Variants in GPC3 observed in about 807,000 individuals in gnomAD.
GPC3 encodes the protein glypican 3.
Under a neutral mutation model 34.4 loss-of-function variants are expected in GPC3, and 3 were observed. The ratio of observed to expected loss-of-function variants is 0.09; its 90% CI spans 0.04 to 0.23. GPC3 has a LOEUF of 0.23. Among genes scored for constraint, GPC3 ranks in the 10% least tolerant of loss-of-function variants. The pLI, the probability that GPC3 is intolerant of heterozygous loss-of-function variation, is 1.00. For missense variants in GPC3, 351 were observed against 445.6 expected (o/e 0.79, Z 1.91); for synonymous variants, 177 against 174.0 (o/e 1.02, Z -0.13).
chrX:133,692,592 G>T, intron 4 of GPC3, 98 bp from the exon 5 acceptor site: 1 of 708,699 alleles, frequency 1.4e-6, no homozygotes, highest in Non-Finnish European at 2.2e-6. Context: ...GCTCTGCCAG[G>T]CTGATTAGAG....
chrX:133,794,829 G>C (rs1314492064), intron 2 of GPC3, among the ~76,000 whole-genome samples: 3 of 112,294 alleles, frequency 2.7e-5, no homozygotes, highest in African/African-American at 9.7e-5. Flanking sequence ...AGTAGCAAGG[G>C]GAAAAATAGA....
At chrX:133,719,155 C>T (rs961422154) in intron 3 of GPC3, among the ~76,000 whole-genome samples, 2 of 111,030 alleles carry the variant, frequency 1.8e-5, no homozygotes, top group African/African-American at 3.3e-5. Context: ...CTCTACTACA[C>T]GTGGAACGTT....
intron 3 of GPC3, among the ~76,000 whole-genome samples, chrX:133,708,789 T>C (rs764361108): frequency 1.8e-5 from 2 of 112,377 alleles, no homozygotes; most frequent in African/African-American, 6.5e-5. Flanking sequence ...ACAAAGTTAA[T>C]GACATTTTTA....
intron 2 of GPC3, among the ~76,000 whole-genome samples, chrX:133,840,329 CTTA>C (rs1390882326): frequency 9.0e-6 from 1 of 110,877 alleles, no homozygotes; most frequent in Non-Finnish European, 1.9e-5. Context: ...GTATACAGCA[CTTA>C]TTAAGGTGAT....
chrX:133,850,318 C>T (rs765224979), intron 2 of GPC3, among the ~76,000 whole-genome samples: 1 of 107,514 alleles, frequency 9.3e-6, no homozygotes, highest in South Asian at 4.2e-4. Flanking sequence ...TCATTAGCTT[C>T]TCTACAGTCA....
intron 2 of GPC3, among the ~76,000 whole-genome samples, chrX:133,847,271 A>G (rs1402167587): frequency 8.9e-6 from 1 of 112,023 alleles, no homozygotes; most frequent in Admixed American, 9.5e-5. Flanking sequence ...GGTACATTTT[A>G]CGCTCTCTTA....
chrX:133,761,768 G>A lies in GPC3; in HGVS notation c.338-7592C>T, dbSNP rs923965052. Among the ~76,000 whole-genome samples, 135 of 111,469 alleles carry A rather than the reference G, an allele frequency of 1.2e-3. 1 individual carries two copies. Among genetic ancestry groups the A allele is most frequent in the African/African-American group, 4.3e-3 (131 of 30,732 alleles). On this transcript the variant is annotated intron_variant, in intron 2 of 7. Transcript: ENST00000370818. Reference sequence around the variant, plus strand: ...CTCATTAGCCCAACTAGCTCTTCTCGTTTACCCACCATTAGCTTTCCTGAA... The same window carrying A: ...CTCATTAGCCCAACTAGCTCTTCTCATTTACCCACCATTAGCTTTCCTGAA...
chrX:133,535,980 C>T lies in GPC3; in HGVS notation c.*144G>A, dbSNP rs2069282751. The T allele has an allele frequency of 4.3e-6, 2 of 464,306 alleles. No individual in the cohort carries two copies. The highest frequency in any genetic ancestry group is 2.5e-5 in the African/African-American group (1 of 40,135). 38.3% of individuals were successfully genotyped at this position (464,306 alleles called of 1,213,427 possible). A position where few individuals can be genotyped will look rare whatever the true frequency, so the allele number is the denominator to read the frequency against. On this transcript the variant is annotated 3_prime_UTR_variant, in exon 8 of 8. Coordinates refer to ENST00000370818, the MANE Select transcript of GPC3 (RefSeq NM_004484.4). ...CCATTTGATTTTCGAAAACATAACA[C>T]ATGGTTAGTCCTCTACTTCATGGCT...
chrX:133,583,254 C>G (rs1329280744), intron 7 of GPC3, among the ~76,000 whole-genome samples: 1 of 111,392 alleles, frequency 9.0e-6, no homozygotes, highest in Non-Finnish European at 1.9e-5. Flanking sequence ...AAAATTTAGC[C>G]CCTCAGAGCT....
chrX:133,794,519 G>A (rs1295793559), intron 2 of GPC3, among the ~76,000 whole-genome samples: 1 of 111,903 alleles, frequency 8.9e-6, no homozygotes, highest in East Asian at 2.8e-4. Context: ...TTGGCTTTGG[G>A]TGGGGGGGCA....
intron 5 of GPC3, among the ~76,000 whole-genome samples, chrX:133,674,381 C>T (rs767190412): frequency 6.8e-4 from 75 of 111,099 alleles, no homozygotes; most frequent in Non-Finnish European, 1.1e-3. Flanking sequence ...AAGTATGGGT[C>T]AAGGCATGAG....
chrX:133,705,877 T>C (rs1173156775), intron 3 of GPC3, among the ~76,000 whole-genome samples: 1 of 112,498 alleles, frequency 8.9e-6, no homozygotes, highest in African/African-American at 3.2e-5. Flanking sequence ...TTAAATTCTT[T>C]GGTCTGCCAA....
At chrX:133,833,281 T>G (rs1289676897) in intron 2 of GPC3, among the ~76,000 whole-genome samples, 1 of 111,602 alleles carries the variant, frequency 9.0e-6, no homozygotes, top group East Asian at 2.8e-4. Context: ...TATAAGGGCA[T>G]GAACATATAT....
At chrX:133,794,591 C>G (rs2075567860) in intron 2 of GPC3, among the ~76,000 whole-genome samples, 1 of 111,626 alleles carries the variant, frequency 9.0e-6, no homozygotes, top group African/African-American at 3.3e-5. Context: ...CTCCTCTGGT[C>G]TCTACTCATT....
At chrX:133,627,717 T>C (rs2070320818) in intron 6 of GPC3, among the ~76,000 whole-genome samples, 1 of 112,495 alleles carries the variant, frequency 8.9e-6, no homozygotes, top group African/African-American at 3.2e-5. Flanking sequence ...GGACAGCATA[T>C]GCAATGTTTT....
intron 2 of GPC3, among the ~76,000 whole-genome samples, chrX:133,786,503 G>A (rs1281217168): frequency 2.7e-5 from 3 of 112,761 alleles, no homozygotes; most frequent in East Asian, 2.8e-4. Context: ...GAGAATCTCC[G>A]ACCTGCCCCA....
chrX:133,622,407 C>T (rs1242125118), intron 6 of GPC3, among the ~76,000 whole-genome samples: 1 of 111,497 alleles, frequency 9.0e-6, no homozygotes, highest in East Asian at 2.8e-4. Flanking sequence ...AGCTGAAAAC[C>T]TTGAAAAAAG....
chrX:133,601,019 T>C (rs2069975303), intron 6 of GPC3, among the ~76,000 whole-genome samples: 1 of 111,721 alleles, frequency 9.0e-6, no homozygotes, highest in African/African-American at 3.3e-5. Context: ...CCCATAGACA[T>C]TCTGTTAACC....
intron 2 of GPC3, among the ~76,000 whole-genome samples, chrX:133,930,209 G>C (rs2076292505): frequency 9.0e-6 from 1 of 111,660 alleles, no homozygotes; most frequent in Non-Finnish European, 1.9e-5. Flanking sequence ...AGATGAATTT[G>C]AGCTCCCCCC....
Sources: allele counts gnomAD v4.1 joint callset (sites outside exome capture counted in the v4.1 genomes callset), GRCh38; gene constraint gnomAD v4.1.1; transcripts MANE v1.5; gene names NCBI Gene and HGNC (gene_info 2026-07-23, HGNC 2026-07-21).